Variants in DPP10 observed in about 807,000 individuals in gnomAD.
DPP10 encodes the protein dipeptidyl peptidase like 10, also known as inactive dipeptidyl peptidase 10.
A neutral mutation model predicts 120.9 loss-of-function variants in DPP10; 33 were observed. That is an observed-to-expected ratio of 0.27 (90% CI 0.21 to 0.37). The LOEUF is 0.37. Ranked by LOEUF, DPP10 falls within the 10% of genes least tolerant of loss-of-function variation. DPP10 has a pLI of 1.00. For missense variants in DPP10, 816 were observed against 942.8 expected, an observed-to-expected ratio of 0.87 and a Z score of 1.76; for synonymous variants, 337 against 326.1, an observed-to-expected ratio of 1.03 and a Z score of -0.36.
chr2:115,809,094 A>G (rs1686346409), intron 19 of DPP10, among the ~76,000 whole-genome samples: 2 of 152,344 alleles, frequency 1.3e-5, no homozygotes, highest in South Asian at 4.1e-4. Context: ...CTGGTAGGAA[A>G]AAAATAATGT....
At chr2:115,506,716 A>G (rs2076960795) in intron 4 of DPP10, among the ~76,000 whole-genome samples, 1 of 152,114 alleles carries the variant, frequency 6.6e-6, no homozygotes, top group African/African-American at 2.4e-5. Flanking sequence ...ATATCTATGT[A>G]TAGATCTATC....
intron 1 of DPP10, among the ~76,000 whole-genome samples, chr2:115,295,628 C>A (rs1054019367): frequency 6.6e-6 from 1 of 152,066 alleles, no homozygotes; most frequent in Non-Finnish European, 1.5e-5. Flanking sequence ...TACTTATTAA[C>A]ACTTTTAATG....
intron 1 of DPP10, among the ~76,000 whole-genome samples, chr2:114,876,367 AG>A (rs1691163903): frequency 6.6e-6 from 1 of 152,062 alleles, no homozygotes; most frequent in Admixed American, 6.6e-5. Context: ...CATAATTTGT[AG>A]GTGGACCTCA....
chr2:114,698,904 TAA>T (rs1330624262), intron 1 of DPP10, among the ~76,000 whole-genome samples: 1 of 152,166 alleles, frequency 6.6e-6, no homozygotes, highest in African/African-American at 2.4e-5. Context: ...TAATTTGAAA[TAA>T]AGATTCCATT....
chr2:115,103,107 T>C (rs567749579), intron 1 of DPP10, among the ~76,000 whole-genome samples: 1 of 152,016 alleles, frequency 6.6e-6, no homozygotes, highest in African/African-American at 2.4e-5. Context: ...CATAAAAATC[T>C]CATCTCTCTC....
intron 1 of DPP10, among the ~76,000 whole-genome samples, chr2:114,864,473 C>T (rs1388838187): frequency 6.6e-6 from 1 of 152,150 alleles, no homozygotes; most frequent in African/African-American, 2.4e-5. Context: ...TGCACCTAGT[C>T]CCACAAGCTC....
chr2:114,531,101 C>G (rs977113991), intron 1 of DPP10, among the ~76,000 whole-genome samples: 2 of 152,190 alleles, frequency 1.3e-5, no homozygotes, highest in East Asian at 3.9e-4. Context: ...TGTGTTTGCA[C>G]CCTAGACTGG....
intron 1 of DPP10, among the ~76,000 whole-genome samples, chr2:115,284,968 G>A (rs2060305967): frequency 6.6e-6 from 1 of 151,938 alleles, no homozygotes; most frequent in Admixed American, 6.6e-5. Flanking sequence ...TCTAAGATAT[G>A]GATGTGTAGC....
chr2:115,170,633 G>T (rs1462118591), intron 1 of DPP10, among the ~76,000 whole-genome samples: 2 of 152,062 alleles, frequency 1.3e-5, no homozygotes, highest in Non-Finnish European at 2.9e-5. Flanking sequence ...AACATAAGTG[G>T]TCCAATAAAT....
intron 1 of DPP10, among the ~76,000 whole-genome samples, chr2:114,691,361 T>A (rs1377331719): frequency 3.9e-5 from 6 of 152,154 alleles, no homozygotes; most frequent in Admixed American, 2.0e-4. Context: ...ATGTGAGGAA[T>A]CACAGTTATT....
chr2:114,612,563 G>A (rs182708404), intron 1 of DPP10, among the ~76,000 whole-genome samples: 27 of 145,296 alleles, frequency 1.9e-4, no homozygotes, highest in Non-Finnish European at 3.8e-4. Flanking sequence ...GATGACTGGA[G>A]TTCACTAGAG....
chr2:115,797,805 T>G (rs182572843), intron 19 of DPP10, among the ~76,000 whole-genome samples: 214 of 152,054 alleles, frequency 1.4e-3, no homozygotes, highest in African/African-American at 4.8e-3. Flanking sequence ...CTATTTAAAG[T>G]TGTACAAACT....
intron 1 of DPP10, among the ~76,000 whole-genome samples, chr2:114,897,495 A>C (rs1164927051): frequency 6.6e-6 from 1 of 152,206 alleles, no homozygotes; most frequent in Non-Finnish European, 1.5e-5. Context: ...AAATTGACAA[A>C]TGTGATCTAA....
chr2:114,663,395 A>G (rs1697599140), intron 1 of DPP10, among the ~76,000 whole-genome samples: 1 of 150,406 alleles, frequency 6.6e-6, no homozygotes, highest in Non-Finnish European at 1.5e-5. Flanking sequence ...CCCCTTGTCT[A>G]TTTGAAATAC....
intron 1 of DPP10, among the ~76,000 whole-genome samples, chr2:115,085,853 T>TCC (rs1708649914): frequency 6.6e-6 from 1 of 152,162 alleles, no homozygotes; most frequent in African/African-American, 2.4e-5. Flanking sequence ...CATCACCAAC[T>TCC]CCTATATGAG....
intron 3 of DPP10, among the ~76,000 whole-genome samples, chr2:115,465,514 T>C (rs527792944): frequency 6.6e-6 from 1 of 152,210 alleles, no homozygotes; most frequent in East Asian, 1.9e-4. Context: ...TTGAGGAAAG[T>C]CTAAATGCGT....
intron 5 of DPP10, among the ~76,000 whole-genome samples, chr2:115,557,493 G>A (rs1180221308): frequency 6.6e-6 from 1 of 152,148 alleles, no homozygotes; most frequent in African/African-American, 2.4e-5. Context: ...GCAAACTAAA[G>A]CACTGCCTTG....
intron 1 of DPP10, chr2:115,161,860 G>C: frequency 8.1e-7 from 1 of 1,237,182 alleles, no homozygotes; most frequent in Middle Eastern, 3.0e-4. Context: ...CCGATTCCGG[G>C]AGCGACGGGC....
chr2:115,790,613 T>C (rs994086282), intron 17 of DPP10, among the ~76,000 whole-genome samples: 3 of 152,208 alleles, frequency 2.0e-5, no homozygotes, highest in Non-Finnish European at 4.4e-5. Flanking sequence ...TCTTAGATCA[T>C]ATAATTTTCA....
Sources: gnomAD v4.1 joint callset for allele counts (sites outside exome capture counted in the v4.1 genomes callset) on GRCh38, gnomAD v4.1.1 for gene constraint, MANE v1.5 for transcripts, NCBI Gene and HGNC (gene_info 2026-07-23, HGNC 2026-07-21) for gene names.